The following ATAD2B variants were observed in gnomAD, a reference collection of about 807,000 sequenced individuals.
The protein encoded by ATAD2B is ATPase family AAA domain-containing protein 2B.
In ATAD2B, 40 loss-of-function variants were observed where a neutral mutation model predicts 167.6. The ratio of observed to expected loss-of-function variants is 0.24; its 90% CI spans 0.19 to 0.31. The LOEUF (loss-of-function observed/expected upper bound fraction) is 0.31, where lower values mean the gene tolerates loss of function less well. ATAD2B is among the 10% of genes least tolerant of loss of function. The pLI is 1.00. For missense variants in ATAD2B, 1,242 were observed against 1,757.2 expected, an observed-to-expected ratio of 0.71 and a Z score of 5.24; for synonymous variants, 579 against 596.5, an observed-to-expected ratio of 0.97 and a Z score of 0.43.
intron 17 of ATAD2B, among the ~76,000 whole-genome samples, chr2:23,812,864 A>AC (rs11408289): frequency 6.6e-6 from 1 of 151,654 alleles, no homozygotes; most frequent in Non-Finnish European, 1.5e-5. Flanking sequence ...AAAAAAAAAA[A>AC]ATGCTACCAA....
At chr2:23,803,315 C>T (rs904697508) in intron 18 of ATAD2B, among the ~76,000 whole-genome samples, 1 of 103,118 alleles carries the variant, frequency 9.7e-6, no homozygotes. Context: ...TATGTGTGTA[C>T]ACACACACAC....
intron 4 of ATAD2B, among the ~76,000 whole-genome samples, chr2:23,887,181 T>C (rs894122540): frequency 6.7e-6 from 1 of 150,192 alleles, no homozygotes; most frequent in African/African-American, 2.5e-5. Flanking sequence ...GGAGAATCAT[T>C]TGAACCTGGG....
chr2:23,878,351 ACT>A (rs1263999216), intron 7 of ATAD2B, among the ~76,000 whole-genome samples: 6 of 151,656 alleles, frequency 4.0e-5, no homozygotes, highest in African/African-American at 1.5e-4. Flanking sequence ...ACAGAGTGAG[ACT>A]CTGTCTCAAA....
intron 1 of ATAD2B, among the ~76,000 whole-genome samples, chr2:23,898,967 G>A (rs576075014): frequency 2.0e-5 from 3 of 152,104 alleles, no homozygotes; most frequent in Non-Finnish European, 4.4e-5. Context: ...TGACCAACAT[G>A]GTGAAACCCC....
intron 1 of ATAD2B, among the ~76,000 whole-genome samples, chr2:23,908,817 A>AT (rs1156851572): frequency 6.6e-5 from 10 of 152,048 alleles, no homozygotes; most frequent in Non-Finnish European, 5.9e-5. Flanking sequence ...ATAAAAAATG[A>AT]TGAGTTCATG....
intron 1 of ATAD2B, among the ~76,000 whole-genome samples, chr2:23,922,495 A>G (rs962436680): frequency 6.6e-6 from 1 of 151,630 alleles, no homozygotes; most frequent in Non-Finnish European, 1.5e-5. Context: ...AAAAAAAAAT[A>G]AGAAAATTTA....
intron 7 of ATAD2B, among the ~76,000 whole-genome samples, chr2:23,879,517 G>C (rs180943152): frequency 1.2e-4 from 19 of 152,264 alleles, no homozygotes; most frequent in Admixed American, 8.5e-4. Context: ...TGAGGTAGGA[G>C]GATAGCTTGA....
chr2:23,709,960 T>C, the ATAD2B span, among the ~76,000 whole-genome samples: 1 of 152,292 alleles, frequency 6.6e-6, no homozygotes. Flanking sequence ...GGTGAACAAA[T>C]TGCATTTTGC....
chr2:23,840,329 G>A (rs1180672272), intron 13 of ATAD2B, among the ~76,000 whole-genome samples: 1 of 152,032 alleles, frequency 6.6e-6, no homozygotes, highest in East Asian at 1.9e-4. Context: ...TCCTAATACT[G>A]CTTATCTGTC....
At chr2:23,854,468 A>G (rs911068883) in intron 13 of ATAD2B, among the ~76,000 whole-genome samples, 5 of 151,982 alleles carry the variant, frequency 3.3e-5, no homozygotes, top group African/African-American at 1.2e-4. Context: ...ACCTGAGGTC[A>G]GGAGTTCTAG....
intron 1 of ATAD2B, among the ~76,000 whole-genome samples, chr2:23,917,211 C>G (rs1404502066): frequency 1.3e-5 from 2 of 152,190 alleles, no homozygotes; most frequent in Non-Finnish European, 2.9e-5. Flanking sequence ...ACAAGCAAGC[C>G]TCACCATCAA....
rs1384776578 is a variant in ATAD2B, at chr2:23,754,105, AC to A, written c.4335+73del. ...AAAAGACATAGATGTAGGCAAAATA[AC>A]TTTTTTTCCTCTTTTCTTTGGAACA... is the stretch of plus-strand genomic sequence containing the variant. On this transcript the variant is annotated intron_variant, in intron 27 of 27. Transcript: ENST00000238789. The A allele has an allele frequency of 1.1e-5, 14 of 1,273,882 alleles. No individual in the cohort carries two copies. The African/African-American group carries it at 2.2e-4, about 20-fold the overall frequency. 78.9% of individuals were successfully genotyped at this position (1,273,882 alleles called of 1,614,324 possible).
chr2:23,751,884 A>G lies in ATAD2B; in HGVS notation c.*162T>C. 1 of 624,594 alleles carries G rather than the reference A, an allele frequency of 1.6e-6. No individual in the cohort carries two copies. Among genetic ancestry groups the G allele is most frequent in the Non-Finnish European group, 2.8e-6 (1 of 354,728 alleles). 38.7% of individuals were successfully genotyped at this position (624,594 alleles called of 1,614,324 possible). On this transcript the variant is annotated 3_prime_UTR_variant, in exon 28 of 28. Transcript: ENST00000238789. The stretch of plus-strand genomic sequence containing the variant: ...TCTTGTAGGCTGGTTGGTTTCAGGT[A>G]CCTGAGACAATAGCACCAAATTCAA...
chr2:23,729,949 C>G, the ATAD2B span, among the ~76,000 whole-genome samples: 1 of 152,174 alleles, frequency 6.6e-6, no homozygotes, highest in East Asian at 1.9e-4. Flanking sequence ...CACAATTATA[C>G]TTGGAGATGT....
chr2:23,678,640 G>C, the ATAD2B span, among the ~76,000 whole-genome samples: 1 of 152,172 alleles, frequency 6.6e-6, no homozygotes, highest in African/African-American at 2.4e-5. Flanking sequence ...GTTTACAATA[G>C]CAAAATGGTG....
chr2:23,802,499 G>A (rs542100820), intron 18 of ATAD2B, among the ~76,000 whole-genome samples: 2 of 152,100 alleles, frequency 1.3e-5, no homozygotes, highest in South Asian at 4.2e-4. Flanking sequence ...CTGAACTATG[G>A]TAGTAACACA....
intron 9 of ATAD2B, among the ~76,000 whole-genome samples, chr2:23,869,450 C>A (rs1377126525): frequency 6.6e-6 from 1 of 152,098 alleles, no homozygotes; most frequent in Non-Finnish European, 1.5e-5. Flanking sequence ...CTTTCCCTCT[C>A]CACAAATTAT....
intron 2 of ATAD2B, among the ~76,000 whole-genome samples, chr2:23,894,018 G>A (rs1011017180): frequency 2.0e-5 from 3 of 152,050 alleles, no homozygotes; most frequent in African/African-American, 7.2e-5. Context: ...TGCCAAAACA[G>A]AAACAGTAAA....
rs1049252829 is a variant in ATAD2B, at chr2:23,765,401, C to T, written c.3256+105G>A. On this transcript the variant is annotated intron_variant, in intron 23 of 27. Coordinates refer to ENST00000238789, the MANE Select transcript of ATAD2B (RefSeq NM_017552.4). ...AGAAATTAAATAAATACATTAAATA[C>T]ATTACTTTCATAATACCAGCAATCC... The T allele has an allele frequency of 7.6e-6, 7 of 925,430 alleles. No individual in the cohort carries two copies. In the South Asian group the frequency reaches 1.8e-4, roughly 24 times the overall value. The allele number at this position is 925,430 out of a possible 1,614,324, so 57.3% of individuals were successfully genotyped here.
Sources: allele counts gnomAD v4.1 joint callset (sites outside exome capture counted in the v4.1 genomes callset), GRCh38; gene constraint gnomAD v4.1.1; transcripts MANE v1.5; gene names NCBI Gene and HGNC (gene_info 2026-07-23, HGNC 2026-07-21).